Variants in SPIRE2 observed in about 807,000 individuals in gnomAD.
SPIRE2 encodes the protein spire type actin nucleation factor 2.
Under a neutral mutation model 80.7 loss-of-function variants are expected in SPIRE2, and 76 were observed. That is an observed-to-expected ratio of 0.94 (90% CI 0.78 to 1.14). The LOEUF (loss-of-function observed/expected upper bound fraction) is 1.14. Among genes scored for constraint, SPIRE2 ranks in the 50% most tolerant of loss-of-function variants. SPIRE2 has a pLI of 0.00. For missense variants in SPIRE2, 1,196 were observed against 1,015.3 expected, an observed-to-expected ratio of 1.18 and a Z score of -2.42; for synonymous variants, 535 against 432.6, an observed-to-expected ratio of 1.24 and a Z score of -2.94.
chr16:89,868,307 C>G (rs2041807526), intron 13 of SPIRE2, 91 bp downstream of exon 13: 1 of 1,265,974 alleles, frequency 7.9e-7, no homozygotes, highest in Non-Finnish European at 1.1e-6. Flanking sequence ...TGCTGCCTCA[C>G]CAGGCACCTC....
chr16:89,855,612 A>G lies in SPIRE2; in HGVS notation c.904A>G (p.Ile302Val). ...KLRKVMVDGDIPPRVKKDAHE... is the reference protein window; with the variant it reads ...KLRKVMVDGDVPPRVKKDAHE... ...GTCCTCCCCGCAGGTGGATGGGGAC[A>G]TCCCGCCCCGGGTGAAGAAGGACGC... Residue 302 changes from isoleucine (I) to valine (V), a missense_variant, in exon 6 of 15, where the codon ATC becomes GTC. Physicochemically the swap from Ile to Val is conservative, Grantham distance 29. Coordinates refer to ENST00000378247, the MANE Select transcript of SPIRE2 (RefSeq NM_032451.2). 1 of 1,612,702 alleles carries G rather than the reference A, an allele frequency of 6.2e-7. No individual in the cohort carries two copies. The highest frequency in any genetic ancestry group is 8.5e-7 in the Non-Finnish European group (1 of 1,179,902).
chr16:89,839,654 C>T lies in SPIRE2; in HGVS notation c.245-5668C>T, dbSNP rs151278976. Among the ~76,000 whole-genome samples, 233 of 152,294 alleles carry T rather than the reference C, an allele frequency of 1.5e-3. 1 individual carries two copies. Among genetic ancestry groups the T allele is most frequent in the African/African-American group, 4.9e-3 (205 of 41,552 alleles). Reference sequence around the variant, plus strand: ...CAGAGATGGCTTCACTCACAGTCAGCGTTTAAGCAGCGGCCACGTGCGGGG... The same window carrying T: ...CAGAGATGGCTTCACTCACAGTCAGTGTTTAAGCAGCGGCCACGTGCGGGG... On this transcript the variant is annotated intron_variant, in intron 1 of 14. Coordinates refer to ENST00000378247, the MANE Select transcript of SPIRE2 (RefSeq NM_032451.2).
chr16:89,854,428 C>G (rs1597218790), intron 4 of SPIRE2, 59 bp from the exon 5 acceptor site: 1 of 1,610,748 alleles, frequency 6.2e-7, no homozygotes, highest in East Asian at 2.2e-5. Context: ...GGGTCTCTGC[C>G]TGGGGGGCCG....
intron 12 of SPIRE2, among the ~76,000 whole-genome samples, chr16:89,866,338 C>T (rs1463003423): frequency 6.6e-6 from 1 of 151,842 alleles, no homozygotes; most frequent in East Asian, 1.9e-4. Context: ...ACTCTTGTTG[C>T]CCAGTCGGAA....
chr16:89,831,580 G>A lies in SPIRE2; in HGVS notation c.244+2786G>A, dbSNP rs1292303383. On this transcript the variant is annotated intron_variant, in intron 1 of 14. Coordinates refer to ENST00000378247, the MANE Select transcript of SPIRE2 (RefSeq NM_032451.2). ...GCCCGGCTAATTTTTTGTATTTTTA[G>A]TAGAGACTGGGTTTCACTGTGTTAG... Among the ~76,000 whole-genome samples, 3 of 150,040 alleles carry A rather than the reference G, an allele frequency of 2.0e-5. 1 individual carries two copies. Among genetic ancestry groups the A allele is most frequent in the Admixed American group, 6.6e-5 (1 of 15,134 alleles).
At chr16:89,842,208 A>ATTTTTTTTTGTTTTTTTTTTTTTTTTTT (rs2041512602) in intron 1 of SPIRE2, among the ~76,000 whole-genome samples, 1 of 81,306 alleles carries the variant, frequency 1.2e-5, no homozygotes, top group East Asian at 6.4e-4. Context: ...TGAACACGTA[A>ATTTTTTTTTGTTTTTTTTTTTTTTTTTT]TTTTTTTTTT....
At position 89,828,477 on chromosome 16, in the gene SPIRE2, G is replaced by A; in HGVS notation, c.-74G>A. ...CGCTCGCGCGGGGCGGGGCGGCCAG[G>A]CTGACCCTGCGCGGCGGAAGGCGCG... On this transcript the variant is annotated 5_prime_UTR_variant, in exon 1 of 15. Transcript: ENST00000378247. This position sits in a 1 kb window ranked among gnomAD's most constrained non-coding sequence, Gnocchi z 5.9. 12 of 979,882 alleles carry A rather than the reference G, an allele frequency of 1.2e-5. No individual in the cohort carries two copies. Among genetic ancestry groups the A allele is most frequent in the Non-Finnish European group, 1.5e-5 (12 of 826,660 alleles). 60.7% of individuals were successfully genotyped at this position (979,882 alleles called of 1,614,324 possible). A position where few individuals can be genotyped will look rare whatever the true frequency, so the allele number is the denominator to read the frequency against.
intron 1 of SPIRE2, chr16:89,836,162 G>T: frequency 2.2e-6 from 1 of 455,668 alleles, no homozygotes; most frequent in Non-Finnish European, 4.4e-6. Flanking sequence ...GCGACACAGT[G>T]AGACTCCATT....
intron 1 of SPIRE2, among the ~76,000 whole-genome samples, chr16:89,841,183 CAAAA>C (rs757371405): frequency 8.9e-6 from 1 of 111,994 alleles, no homozygotes; most frequent in Admixed American, 9.1e-5. Flanking sequence ...CACCTTGTTT[CAAAA>C]AAAAAAAAAA....
rs377455648 is a variant in SPIRE2 at position 89,833,209 on chromosome 16, G to A, written c.244+4415G>A. The stretch of plus-strand genomic sequence containing the variant: ...TCACCATGTTGGCCAGGCTGGTCTC[G>A]AACTCCTGACCTCAGGTGATCCGCC... On this transcript the variant is annotated intron_variant, in intron 1 of 14. Transcript: ENST00000378247. 4.7e-5 allele frequency among the ~76,000 whole-genome samples: 7 copies of A among 148,396 alleles called. No homozygotes were observed. In the East Asian group the frequency reaches 7.9e-4, roughly 17 times the overall value.
intron 1 of SPIRE2, among the ~76,000 whole-genome samples, chr16:89,833,211 A>G (rs1294921874): frequency 6.6e-6 from 1 of 150,548 alleles, no homozygotes; most frequent in Non-Finnish European, 1.5e-5. Flanking sequence ...CTGGTCTCGA[A>G]CTCCTGACCT....
intron 1 of SPIRE2, 71 bp from the exon 2 acceptor site, chr16:89,845,251 T>C (rs1598222467): frequency 7.3e-7 from 1 of 1,369,912 alleles, no homozygotes; most frequent in Non-Finnish European, 1.0e-6. Flanking sequence ...GAGGGGGAGG[T>C]GGGGGGACAG....
rs1286708706 is a variant in SPIRE2 at position 89,865,960 on chromosome 16, T to C, written c.1778+2099T>C. Among the ~76,000 whole-genome samples, 5 of 104,086 alleles carry C rather than the reference T, an allele frequency of 4.8e-5. No homozygotes were observed. The East Asian group carries it at 1.3e-3, about 26-fold the overall frequency. The allele number at this position is 104,086 out of a possible 152,430, so 68.3% of individuals were successfully genotyped here. ...TCCAGACTGGGCAACAGAGGGAGAC[T>C]GTCTCAAAAAAAAAAAAAAAAAAAA... On this transcript the variant is annotated intron_variant, in intron 12 of 14. Coordinates refer to ENST00000378247, the MANE Select transcript of SPIRE2 (RefSeq NM_032451.2).
At chr16:89,854,736 GGCAGCCCACCCCAGAGA>G in intron 5 of SPIRE2, 85 bp downstream of exon 5, 1 of 1,328,604 alleles carries the variant, frequency 7.5e-7, no homozygotes, top group South Asian at 1.3e-5. Context: ...CTGGATGTTG[GGCAGCCCACCCCAGAGA>G]GCGGCCCAGG....
At chr16:89,849,553 C>T (rs968912463) in intron 2 of SPIRE2, among the ~76,000 whole-genome samples, 4 of 152,166 alleles carry the variant, frequency 2.6e-5, no homozygotes, top group East Asian at 1.9e-4. Flanking sequence ...TGAGAGTGTC[C>T]GTGTAATTGT....
intron 12 of SPIRE2, among the ~76,000 whole-genome samples, chr16:89,865,459 AAC>A (rs772425428): frequency 1.3e-5 from 2 of 152,242 alleles, no homozygotes; most frequent in Non-Finnish European, 2.9e-5. Flanking sequence ...ACTAAAATAA[AAC>A]AGTTACAGCT....
chr16:89,840,162 A>G (rs1198008394), intron 1 of SPIRE2, among the ~76,000 whole-genome samples: 1 of 151,462 alleles, frequency 6.6e-6, no homozygotes, highest in Admixed American at 6.6e-5. Flanking sequence ...GCAGTGTGGG[A>G]CGACCTTCCT....
Position 89,850,318 on chromosome 16 carries a change from C to G in SPIRE2, c.303C>G (p.Leu101=), listed in dbSNP as rs778060189. Residue 101 remains leucine, a synonymous_variant, in exon 3 of 15, where the codon CTC becomes CTG. Coordinates refer to ENST00000378247, the MANE Select transcript of SPIRE2 (RefSeq NM_032451.2). The part of the protein sequence containing the change: ...ASSEAQTVQS[L]GFAIYRALDW... ...CTGTCCCGCAGACCGTGCAGTCCCT[C>G]GGCTTCGCCATCTACCGCGCGCTGG... The G allele has an allele frequency of 6.2e-7, 1 of 1,603,174 alleles. No homozygotes were observed. Among genetic ancestry groups the G allele is most frequent in the South Asian group, 1.1e-5 (1 of 89,930 alleles).
In SPIRE2 at chr16:89,850,471, C is replaced by CGAG. The variant is rs146569219; in HGVS notation, c.470_472dup (p.Glu157dup). 118,386 of 1,544,756 alleles carry CGAG rather than the reference C, an allele frequency of 0.077. 4,120 individuals carry two copies. The highest frequency in any genetic ancestry group is 0.16 in the East Asian group (6,843 of 42,650). On this transcript the variant is annotated inframe_insertion, in exon 3 of 15. Coordinates refer to ENST00000378247, the MANE Select transcript of SPIRE2 (RefSeq NM_032451.2). The stretch of plus-strand genomic sequence containing the variant: ...CCGCCGATGAGGGCTACGGGGGTCC[C>CGAG]GAGGAGGAGGAGGAGGCCGAGGGCG...
Sources: gnomAD v4.1 joint callset for allele counts (sites outside exome capture counted in the v4.1 genomes callset) on GRCh38, gnomAD v4.1.1 for gene constraint, Gnocchi (gnomAD v3.1) non-coding constraint, MANE v1.5 for transcripts, NCBI Gene and HGNC (gene_info 2026-07-23, HGNC 2026-07-21) for gene names.